Variants in SINHCAF observed in about 807,000 individuals in gnomAD.
The protein encoded by SINHCAF is SIN3-HDAC complex-associated factor.
SINHCAF carries 3 observed loss-of-function variants against 25.8 expected under a neutral mutation model. The observed-to-expected ratio is 0.12, with a 90% confidence interval of 0.05 to 0.30. The LOEUF (loss-of-function observed/expected upper bound fraction) is 0.30. Ranked by LOEUF, SINHCAF falls within the 10% of genes least tolerant of loss-of-function variation. The pLI is 1.00. For missense variants in SINHCAF, 121 were observed against 262.3 expected (o/e 0.46, Z 3.72); for synonymous variants, 70 against 85.5 (o/e 0.82, Z 1.00).
chr12:31,289,569 G>A (rs1938217597), intron 4 of SINHCAF, among the ~76,000 whole-genome samples: 1 of 152,160 alleles, frequency 6.6e-6, no homozygotes. Context: ...AAGTTTCTTA[G>A]TTAACAGTCA....
rs1358514531 is a variant in SINHCAF, at chr12:31,325,824, A to C, written c.-21+200T>G. ...TCCCCAATTAATAAATACACACTAAACACGAGCGTACCAAAGAACCTGGGG... is the reference window on the plus strand; with the variant it reads ...TCCCCAATTAATAAATACACACTAACCACGAGCGTACCAAAGAACCTGGGG... On this transcript the variant is annotated intron_variant, in intron 1 of 5. Transcript: ENST00000337682. The surrounding 1 kb of genome is among the most constrained non-coding windows in gnomAD (Gnocchi z 5.9). 6.6e-6 allele frequency: 1 copy of C among 152,640 alleles called. No homozygotes were observed. The highest frequency in any genetic ancestry group is 2.0e-4 in the South Asian group (1 of 4,938). The allele number at this position is 152,640 out of a possible 1,614,324, so 9.5% of individuals were successfully genotyped here.
chr12:31,288,760 A>G lies in SINHCAF; in HGVS notation c.356-976T>C, dbSNP rs146728944. Among the ~76,000 whole-genome samples, 214 of 152,352 alleles carry G rather than the reference A, an allele frequency of 1.4e-3. 1 individual carries two copies. The highest frequency in any genetic ancestry group is 4.7e-3 in the African/African-American group (196 of 41,580). ...ATAATCTGAAAATGTCCAGGTTTCA[A>G]TAAAAAATTACATCAGTCCAAGAAT... On this transcript the variant is annotated intron_variant, in intron 4 of 5. Coordinates refer to ENST00000337682, the MANE Select transcript of SINHCAF (RefSeq NM_001135812.2).
intron 1 of SINHCAF, 39 bp from the exon 2 acceptor site, chr12:31,298,263 C>T: frequency 3.1e-6 from 5 of 1,608,036 alleles, no homozygotes; most frequent in Non-Finnish European, 3.4e-6. Flanking sequence ...TTGTTGAGGG[C>T]TGTAACAAGG....
chr12:31,286,790 C>T (rs1938099498), intron 5 of SINHCAF, among the ~76,000 whole-genome samples: 1 of 152,072 alleles, frequency 6.6e-6, no homozygotes, highest in East Asian at 1.9e-4. Context: ...TGGTATCAAA[C>T]TTATATCAGC....
chr12:31,305,742 T>C (rs1439764572), intron 1 of SINHCAF, among the ~76,000 whole-genome samples: 1 of 145,960 alleles, frequency 6.9e-6, no homozygotes, highest in Non-Finnish European at 1.5e-5. Flanking sequence ...CTCTGTCACC[T>C]AGGCTGGAGT....
chr12:31,296,409 G>C (rs1387139577), intron 2 of SINHCAF, among the ~76,000 whole-genome samples: 2 of 151,970 alleles, frequency 1.3e-5, no homozygotes, highest in African/African-American at 4.8e-5. Context: ...CAACTGATCT[G>C]TCCGCCTTGG....
At chr12:31,310,909 C>T (rs1209465059) in intron 1 of SINHCAF, among the ~76,000 whole-genome samples, 3 of 146,980 alleles carry the variant, frequency 2.0e-5, no homozygotes, top group Non-Finnish European at 4.5e-5. Context: ...CTCACTCTGT[C>T]GCCAGGCTGG....
At chr12:31,323,478 A>C (rs1939789290) in intron 1 of SINHCAF, among the ~76,000 whole-genome samples, 1 of 152,314 alleles carries the variant, frequency 6.6e-6, no homozygotes, top group Non-Finnish European at 1.5e-5. Context: ...AGGGGGAGAA[A>C]GAATTGCTGG....
intron 2 of SINHCAF, 45 bp downstream of exon 2, chr12:31,298,032 G>T: frequency 1.3e-6 from 2 of 1,569,514 alleles, no homozygotes; most frequent in Non-Finnish European, 1.7e-6. Flanking sequence ...GTATGCTGTG[G>T]TATTTTTTCA....
In SINHCAF at chr12:31,296,864, CAACA is replaced by C. The variant is rs201070048; in HGVS notation, c.128+1209_128+1212del. ...GAGTGAGACTCTGTCTCAAACAAACCAACAAACAAACAAACGATTATATTGCTGA... is the reference window on the plus strand; with the variant it reads ...GAGTGAGACTCTGTCTCAAACAAACCAACAAACAAACGATTATATTGCTGA... On this transcript the variant is annotated intron_variant, in intron 2 of 5. Transcript: ENST00000337682. The C allele has an allele frequency of 3.3e-4, 99 of 296,170 alleles. 1 individual carries two copies. The East Asian group carries it at 8.4e-3, about 25-fold the overall frequency. 18.3% of individuals were successfully genotyped at this position (296,170 alleles called of 1,614,324 possible). A position where few individuals can be genotyped will look rare whatever the true frequency, so the allele number is the denominator to read the frequency against.
chr12:31,297,829 CA>C (rs1278187900), intron 2 of SINHCAF, among the ~76,000 whole-genome samples: 2 of 152,086 alleles, frequency 1.3e-5, no homozygotes, highest in Non-Finnish European at 2.9e-5. Context: ...AAGTCAACAA[CA>C]AAAGGGTTTG....
At chr12:31,308,263 G>C (rs1222504724) in intron 1 of SINHCAF, among the ~76,000 whole-genome samples, 5 of 152,064 alleles carry the variant, frequency 3.3e-5, no homozygotes, top group Admixed American at 6.6e-5. Flanking sequence ...TTAATTTGTT[G>C]CACAGCTGGC....
intron 1 of SINHCAF, among the ~76,000 whole-genome samples, chr12:31,299,656 G>T (rs1019040445): frequency 2.6e-5 from 4 of 152,142 alleles, no homozygotes; most frequent in Non-Finnish European, 4.4e-5. Flanking sequence ...ATAGTTTTAG[G>T]AGTTATTACC....
At chr12:31,298,310 C>G in intron 1 of SINHCAF, 86 bp from the exon 2 acceptor site, 2 of 1,521,810 alleles carry the variant, frequency 1.3e-6, no homozygotes, top group Non-Finnish European at 1.8e-6. Context: ...ACCCCACCCC[C>G]AAGCAACTTG....
chr12:31,293,744 C>T, intron 4 of SINHCAF, 61 bp downstream of exon 4: 1 of 1,442,566 alleles, frequency 6.9e-7, no homozygotes, highest in Non-Finnish European at 9.3e-7. Flanking sequence ...TGCCATACAC[C>T]ACCCCCAGCC....
intron 5 of SINHCAF, among the ~76,000 whole-genome samples, chr12:31,284,695 T>C (rs1025363506): frequency 2.6e-5 from 4 of 152,200 alleles, no homozygotes; most frequent in Admixed American, 1.3e-4. Context: ...TAGCAACACT[T>C]ATTGAACAGA....
At chr12:31,311,880 G>A in intron 1 of SINHCAF, 1 of 502,800 alleles carries the variant, frequency 2.0e-6, no homozygotes. Context: ...CTTGATGAAG[G>A]TGGCATCCAC....
chr12:31,285,414 T>TATACACAC (rs1366908542), intron 5 of SINHCAF, among the ~76,000 whole-genome samples: 12 of 43,916 alleles, frequency 2.7e-4, no homozygotes, highest in African/African-American at 8.6e-4. Flanking sequence ...TTTATATATA[T>TATACACAC]ACATACACAC....
chr12:31,306,427 G>T lies in SINHCAF; in HGVS notation c.-20-8203C>A, dbSNP rs564809324. ...GTCAAGCTGTAAATGTGTTCCATGA[G>T]GGGTATCTGATACCCCACTAGGATA... On this transcript the variant is annotated intron_variant, in intron 1 of 5. Transcript: ENST00000337682. Among the ~76,000 whole-genome samples, 6 of 152,224 alleles carry T rather than the reference G, an allele frequency of 3.9e-5. No homozygotes were observed. In the East Asian group the frequency reaches 1.2e-3, roughly 29 times the overall value.
Sources: allele counts gnomAD v4.1 joint callset (sites outside exome capture counted in the v4.1 genomes callset), GRCh38; gene constraint gnomAD v4.1.1; non-coding constraint Gnocchi (gnomAD v3.1); transcripts MANE v1.5; gene names NCBI Gene and HGNC (gene_info 2026-07-23, HGNC 2026-07-21).